Variants in RPL28 observed in about 807,000 individuals in gnomAD.
RPL28 encodes the protein large ribosomal subunit protein eL28.
Under a neutral mutation model 12.5 loss-of-function variants are expected in RPL28, and 4 were observed. That is an observed-to-expected ratio of 0.32 (90% confidence interval 0.16 to 0.73). The LOEUF (loss-of-function observed/expected upper bound fraction) is 0.73, where lower values mean the gene tolerates loss of function less well. Ranked by LOEUF, RPL28 falls within the 30% of genes least tolerant of loss-of-function variation. The pLI, the probability that RPL28 is intolerant of heterozygous loss-of-function variation, is 0.66. For synonymous variants in RPL28, 91 were observed against 72.5 expected (o/e 1.26, Z -1.30); for missense variants, 214 against 197.7 (o/e 1.08, Z -0.49).
chr19:55,389,181 C>G lies in RPL28; in HGVS notation c.*849C>G. ...GACCATCCTAGGCAACATAATGAGACACCGTCTCTAAAATAAAATTAGCTG... is the reference window on the plus strand; with the variant it reads ...GACCATCCTAGGCAACATAATGAGAGACCGTCTCTAAAATAAAATTAGCTG... On this transcript the variant is annotated 3_prime_UTR_variant, in exon 5 of 5. Transcript: ENST00000344063. 2 of 971,718 alleles carry G rather than the reference C, an allele frequency of 2.1e-6. No individual in the cohort carries two copies. The highest frequency in any genetic ancestry group is 2.4e-6 in the Non-Finnish European group (2 of 817,456). 60.2% of individuals were successfully genotyped at this position (971,718 alleles called of 1,614,324 possible). A position where few individuals can be genotyped will look rare whatever the true frequency, so the allele number is the denominator to read the frequency against.
chr19:55,388,232 C>T lies in RPL28; in HGVS notation c.325-11C>T, dbSNP rs761072789. Reference sequence around the variant, plus strand: ...TATGGGCTGAGCCTTGCTCTGCTCCCCCGCCCCCAGGCAGCCATCCGCAGG... The same window carrying T: ...TATGGGCTGAGCCTTGCTCTGCTCCTCCGCCCCCAGGCAGCCATCCGCAGG... On this transcript the variant is annotated splice_polypyrimidine_tract_variant and intron_variant, in intron 4 of 4. Coordinates refer to ENST00000344063, the MANE Select transcript of RPL28 (RefSeq NM_000991.5). 2.0e-6 allele frequency: 3 copies of T among 1,526,392 alleles called. No homozygotes were observed. Among genetic ancestry groups the T allele is most frequent in the East Asian group, 2.4e-5 (1 of 40,894 alleles). 94.6% of individuals were successfully genotyped at this position (1,526,392 alleles called of 1,614,324 possible).
At position 55,386,595 on chromosome 19, in the gene RPL28, A is replaced by G. The variant is rs149122559; in HGVS notation, c.107A>G (p.Asn36Ser). Reference sequence around the variant, plus strand: ...GAGCCCAATAACTTGAAGGCCCGCAATTCCTTCCGCTACAACGGACTGATT... The same window carrying G: ...GAGCCCAATAACTTGAAGGCCCGCAGTTCCTTCCGCTACAACGGACTGATT... The part of the protein sequence containing the change: ...STEPNNLKAR[N>S]SFRYNGLIHR... The change falls in exon 3 of 5, where the codon AAT becomes AGT. Residue 36 changes from asparagine to serine, a missense_variant. Coordinates refer to ENST00000344063, the MANE Select transcript of RPL28 (RefSeq NM_000991.5). 7.1e-5 allele frequency: 115 copies of G among 1,610,042 alleles called. No individual in the cohort carries two copies. The highest frequency in any genetic ancestry group is 9.0e-5 in the Non-Finnish European group (106 of 1,176,904).
intron 4 of RPL28, chr19:55,401,137 C>CA (rs2090054353): frequency 4.3e-6 from 2 of 468,068 alleles, no homozygotes; most frequent in Admixed American, 4.0e-5. Flanking sequence ...ACCCAAACCT[C>CA]AAACAGCAAG....
rs548933843 is a variant in RPL28, at chr19:55,397,389, T to TTTTG, written c.325-5550_325-5547dup. ...TTGTAATCGGGACAAATGTTTTTGT[T>TTTTG]TTTGTTTTGAGACGGAGTCTCGCTC... On this transcript the variant is annotated intron_variant, in intron 4 of 4. Transcript: ENST00000560055. Among the ~76,000 whole-genome samples the TTTTG allele has an allele frequency of 1.9e-4, 29 of 152,294 alleles. No homozygotes were observed. The South Asian group carries it at 6.0e-3, about 32-fold the overall frequency.
intron 4 of RPL28, among the ~76,000 whole-genome samples, chr19:55,402,519 G>T (rs1172873822): frequency 6.6e-6 from 1 of 152,204 alleles, no homozygotes; most frequent in Non-Finnish European, 1.5e-5. Flanking sequence ...TCTGAAGTGG[G>T]TCTGGGCAAA....
In RPL28 at chr19:55,385,983, T is replaced by C. The variant is rs548045472; in HGVS notation, c.-9+18T>C. The C allele has an allele frequency of 3.7e-6, 1 of 268,660 alleles. No individual in the cohort carries two copies. The highest frequency in any genetic ancestry group is 2.2e-5 in the African/African-American group (1 of 45,834). The allele number at this position is 268,660 out of a possible 1,614,324, so 16.6% of individuals were successfully genotyped here. A position where few individuals can be genotyped will look rare whatever the true frequency, so the allele number is the denominator to read the frequency against. ...GAAGGGAGGTGAGCGTTCGTCTTCCTCGCGTGGTCGCCATCTCCGGCCCGC... is the reference window on the plus strand; with the variant it reads ...GAAGGGAGGTGAGCGTTCGTCTTCCCCGCGTGGTCGCCATCTCCGGCCCGC... On this transcript the variant is annotated intron_variant, in intron 1 of 4. Coordinates refer to ENST00000344063, the MANE Select transcript of RPL28 (RefSeq NM_000991.5).
chr19:55,391,948 C>G lies in RPL28; in HGVS notation c.*3616C>G, dbSNP rs139718167. On this transcript the variant is annotated 3_prime_UTR_variant, in exon 5 of 5. Coordinates refer to ENST00000344063, the MANE Select transcript of RPL28 (RefSeq NM_000991.5). ...CTGTGGGGCTGTGAGCTTTCCCAGCCTCCTGCCCGTGTTTGTGAATATCAT... is the reference window on the plus strand; with the variant it reads ...CTGTGGGGCTGTGAGCTTTCCCAGCGTCCTGCCCGTGTTTGTGAATATCAT... 11 of 1,240,744 alleles carry G rather than the reference C, an allele frequency of 8.9e-6. No individual in the cohort carries two copies. Among genetic ancestry groups the G allele is most frequent in the East Asian group, 3.4e-5 (1 of 29,662 alleles). The allele number at this position is 1,240,744 out of a possible 1,614,324, so 76.9% of individuals were successfully genotyped here. A position where few individuals can be genotyped will look rare whatever the true frequency, so the allele number is the denominator to read the frequency against.
intron 4 of RPL28, chr19:55,401,029 C>A: frequency 4.6e-6 from 1 of 218,992 alleles, no homozygotes; most frequent in South Asian, 6.5e-5. Context: ...CCGCTCAGGC[C>A]ACCAGGAGCA....
rs2089958530 is a variant in RPL28 at position 55,388,508 on chromosome 19, A to G, written c.*176A>G. 2 of 1,305,556 alleles carry G rather than the reference A, an allele frequency of 1.5e-6. No individual in the cohort carries two copies. The highest frequency in any genetic ancestry group is 1.5e-5 in the African/African-American group (1 of 65,314). 80.9% of individuals were successfully genotyped at this position (1,305,556 alleles called of 1,614,324 possible). A position where few individuals can be genotyped will look rare whatever the true frequency, so the allele number is the denominator to read the frequency against. Reference sequence around the variant, plus strand: ...AGGTGATGTCAATGGCTGGCCATGCAGGAGGGGTGGGGTAGCTGCCTTGTC... The same window carrying G: ...AGGTGATGTCAATGGCTGGCCATGCGGGAGGGGTGGGGTAGCTGCCTTGTC... On this transcript the variant is annotated 3_prime_UTR_variant, in exon 5 of 5. Coordinates refer to ENST00000344063, the MANE Select transcript of RPL28 (RefSeq NM_000991.5).
chr19:55,391,368 C>T lies in RPL28; in HGVS notation c.*3036C>T. 8.2e-7 allele frequency: 1 copy of T among 1,214,100 alleles called. No homozygotes were observed. Among genetic ancestry groups the T allele is most frequent in the Non-Finnish European group, 1.0e-6 (1 of 963,950 alleles). 75.2% of individuals were successfully genotyped at this position (1,214,100 alleles called of 1,614,324 possible). A position where few individuals can be genotyped will look rare whatever the true frequency, so the allele number is the denominator to read the frequency against. On this transcript the variant is annotated 3_prime_UTR_variant, in exon 5 of 5. Transcript: ENST00000344063. Reference sequence around the variant, plus strand: ...AGGCCATTTTGAGTGCCTTTCACAGCCCTGCATAAGGCAGGTGTCTCAGTG... The same window carrying T: ...AGGCCATTTTGAGTGCCTTTCACAGTCCTGCATAAGGCAGGTGTCTCAGTG...
downstream of RPL28, among the ~76,000 whole-genome samples, chr19:55,395,651 G>T (rs1019091758): frequency 6.6e-6 from 1 of 151,364 alleles, no homozygotes; most frequent in Non-Finnish European, 1.5e-5. Flanking sequence ...CACTGTGTTA[G>T]CCAGGATGGT....
chr19:55,390,431 C>T lies in RPL28; in HGVS notation c.*2099C>T, dbSNP rs1368427559. The T allele has an allele frequency of 1.0e-6, 1 of 979,178 alleles. No individual in the cohort carries two copies. The highest frequency in any genetic ancestry group is 1.2e-6 in the Non-Finnish European group (1 of 824,348). The allele number at this position is 979,178 out of a possible 1,614,324, so 60.7% of individuals were successfully genotyped here. The stretch of plus-strand genomic sequence containing the variant: ...TTTTGCCCAGGCTGGTTTGGAACTC[C>T]TGACTTCAAATTACCCACCTGCCTC... On this transcript the variant is annotated 3_prime_UTR_variant, in exon 5 of 5. Transcript: ENST00000344063.
At chr19:55,397,211 A>G (rs1222847991) in intron 4 of RPL28, among the ~76,000 whole-genome samples, 4 of 152,210 alleles carry the variant, frequency 2.6e-5, no homozygotes, top group South Asian at 2.1e-4. Flanking sequence ...TACCACCACC[A>G]TATGTATGTT....
downstream of RPL28, among the ~76,000 whole-genome samples, chr19:55,395,631 CAT>C (rs1460611272): frequency 1.3e-5 from 2 of 151,140 alleles, no homozygotes; most frequent in South Asian, 2.1e-4. Context: ...TTTTAGTAGA[CAT>C]GGGGTTTCAC....
At chr19:55,395,360 T>A (rs1159605879), downstream of RPL28, among the ~76,000 whole-genome samples, 1 of 152,060 alleles carries the variant, frequency 6.6e-6, no homozygotes, top group Non-Finnish European at 1.5e-5. Flanking sequence ...GGTCTTGAAC[T>A]GACCTCAAGA....
At chr19:55,394,440 T>C (rs2090010050), downstream of RPL28, among the ~76,000 whole-genome samples, 1 of 151,876 alleles carries the variant, frequency 6.6e-6, no homozygotes, top group African/African-American at 2.4e-5. Context: ...TTAAATATTT[T>C]TGTAGAGACA....
chr19:55,401,245 C>T, intron 4 of RPL28: 1 of 686,906 alleles, frequency 1.5e-6, no homozygotes, highest in East Asian at 2.8e-5. Flanking sequence ...CACATGGCAC[C>T]ATGCAGCGGT....
Position 55,391,221 on chromosome 19 carries a change from G to C in RPL28, c.*2889G>C, listed in dbSNP as rs1341014612. The C allele has an allele frequency of 4.0e-6, 1 of 247,498 alleles. No homozygotes were observed. The highest frequency in any genetic ancestry group is 1.4e-3 in the Middle Eastern group (1 of 710). 15.3% of individuals were successfully genotyped at this position (247,498 alleles called of 1,614,324 possible). ...GCAGCATTCCCAGCTCAGGGCTAAT[G>C]GTTCACGGAAGCCAGGAATCAAACT... On this transcript the variant is annotated 3_prime_UTR_variant, in exon 5 of 5. Transcript: ENST00000344063.
downstream of RPL28, among the ~76,000 whole-genome samples, chr19:55,396,268 TA>T (rs201869979): frequency 0.033 from 4,392 of 132,094 alleles, 154 homozygotes; most frequent in Admixed American, 0.097. Context: ...TGTAAACTTG[TA>T]AAAAAAAAAA....
Sources: gnomAD v4.1 joint callset for allele counts (sites outside exome capture counted in the v4.1 genomes callset) on GRCh38, gnomAD v4.1.1 for gene constraint, MANE v1.5 for transcripts, NCBI Gene and HGNC (gene_info 2026-07-23, HGNC 2026-07-21) for gene names.